Variants in LEKR1 observed in about 807,000 individuals in gnomAD.
LEKR1 encodes leucine, glutamate and lysine rich 1.
LEKR1 carries 59 observed loss-of-function variants against 72.4 expected under a neutral mutation model. That is an observed-to-expected ratio of 0.82 (90% CI 0.66 to 1.01). The LOEUF is 1.01. Among genes scored for constraint, LEKR1 ranks in the 50% least tolerant of loss-of-function variants. The probability of loss-of-function intolerance (pLI) is 0.00; values close to 1 mark genes in which losing one functional copy is unlikely to be tolerated. For synonymous variants in LEKR1, 257 were observed against 263.2 expected (o/e 0.98, Z 0.23); for missense variants, 728 against 759.2 (o/e 0.96, Z 0.48).
intron 3 of LEKR1, among the ~76,000 whole-genome samples, chr3:156,901,558 C>T (rs1271124942): frequency 6.6e-6 from 1 of 152,154 alleles, no homozygotes; most frequent in African/African-American, 2.4e-5. Flanking sequence ...AATGCAATTA[C>T]AATTTTATCA....
chr3:156,859,151 T>C (rs1716447451), intron 3 of LEKR1, among the ~76,000 whole-genome samples: 1 of 152,206 alleles, frequency 6.6e-6, no homozygotes, highest in South Asian at 2.1e-4. Flanking sequence ...ATTACACTGG[T>C]TAATTGCAGT....
intron 2 of LEKR1, among the ~76,000 whole-genome samples, chr3:156,845,050 G>A (rs1332520630): frequency 6.6e-6 from 1 of 151,896 alleles, no homozygotes; most frequent in African/African-American, 2.4e-5. Context: ...TGTAGTGAGT[G>A]ATATCTCATT....
At chr3:156,833,400 A>G (rs1239490110) in intron 2 of LEKR1, among the ~76,000 whole-genome samples, 4 of 152,214 alleles carry the variant, frequency 2.6e-5, no homozygotes, top group Admixed American at 2.6e-4. Flanking sequence ...GGATGACAAG[A>G]GGCTTAAACA....
intron 12 of LEKR1, among the ~76,000 whole-genome samples, chr3:157,032,243 G>A (rs1325629589): frequency 6.6e-6 from 1 of 152,124 alleles, no homozygotes; most frequent in Non-Finnish European, 1.5e-5. Flanking sequence ...ACCTTGTTGT[G>A]ATCCAGAGGA....
intron 6 of LEKR1, among the ~76,000 whole-genome samples, chr3:156,960,322 G>C (rs979553074): frequency 2.0e-5 from 3 of 152,138 alleles, no homozygotes; most frequent in African/African-American, 7.2e-5. Context: ...GTCTCACTCT[G>C]TTGCCCAGAC....
intron 5 of LEKR1, among the ~76,000 whole-genome samples, chr3:156,930,368 A>T (rs945069035): frequency 2.2e-4 from 34 of 152,110 alleles, no homozygotes; most frequent in African/African-American, 7.5e-4. Flanking sequence ...TCACATGCTT[A>T]TTTAAAGCAA....
chr3:157,020,670 G>T (rs1733759660), intron 10 of LEKR1, among the ~76,000 whole-genome samples: 1 of 151,550 alleles, frequency 6.6e-6, no homozygotes, highest in African/African-American at 2.4e-5. Flanking sequence ...TCTTAATCCA[G>T]TCTATCATTG....
At chr3:156,855,938 C>G (rs74586854) in intron 3 of LEKR1, among the ~76,000 whole-genome samples, 4,842 of 152,172 alleles carry the variant, frequency 0.032, 117 homozygotes, top group Non-Finnish European at 0.048. Context: ...AATTCCACCC[C>G]CTTAGCCTGA....
intron 3 of LEKR1, among the ~76,000 whole-genome samples, chr3:156,905,803 C>T (rs1722469823): frequency 6.6e-6 from 1 of 152,180 alleles, no homozygotes; most frequent in Middle Eastern, 3.2e-3. Context: ...AGCCACTTCT[C>T]ATAATTGGCA....
At chr3:156,849,821 G>T (rs374779241) in intron 2 of LEKR1, among the ~76,000 whole-genome samples, 1 of 152,022 alleles carries the variant, frequency 6.6e-6, no homozygotes, top group Non-Finnish European at 1.5e-5. Flanking sequence ...GAAAACCTAG[G>T]CAATACCATT....
intron 11 of LEKR1, among the ~76,000 whole-genome samples, chr3:157,027,582 G>A (rs1204261690): frequency 1.3e-5 from 2 of 152,114 alleles, no homozygotes; most frequent in African/African-American, 4.8e-5. Flanking sequence ...TTGGGAGGCT[G>A]AGGCAGGAGG....
chr3:156,993,041 A>G (rs754600497), intron 8 of LEKR1, 33 bp from the exon 9 acceptor site: 1 of 1,152,464 alleles, frequency 8.7e-7, no homozygotes, highest in Non-Finnish European at 1.3e-6. Context: ...TATATAATGT[A>G]TGTTGGTGGG....
chr3:156,987,986 T>C (rs1487185353), intron 7 of LEKR1: 1 of 152,212 alleles, frequency 6.6e-6, no homozygotes. Context: ...TGTTTTCTCT[T>C]TCCATCTGAG....
chr3:156,965,883 G>C (rs1728516636), intron 6 of LEKR1, among the ~76,000 whole-genome samples: 1 of 152,092 alleles, frequency 6.6e-6, no homozygotes, highest in African/African-American at 2.4e-5. Flanking sequence ...GCATGTGCAA[G>C]GGTTTACTCT....
At chr3:157,012,110 T>A (rs1732938709) in intron 10 of LEKR1, among the ~76,000 whole-genome samples, 1 of 152,134 alleles carries the variant, frequency 6.6e-6, no homozygotes, top group Non-Finnish European at 1.5e-5. Context: ...AGTAATATTT[T>A]AAAAATTGTT....
chr3:156,973,996 C>T (rs1425967344), intron 6 of LEKR1, among the ~76,000 whole-genome samples: 1 of 152,146 alleles, frequency 6.6e-6, no homozygotes, highest in African/African-American at 2.4e-5. Context: ...CCTATGATCT[C>T]ATACTTAATA....
intron 7 of LEKR1, among the ~76,000 whole-genome samples, chr3:156,991,881 A>G (rs61071858): frequency 0.011 from 1,743 of 152,208 alleles, 36 homozygotes; most frequent in African/African-American, 0.04. Context: ...CTTTTTTACT[A>G]TGTTCTGGAC....
rs779503308 is a variant in LEKR1, at chr3:156,932,801, C to T, written c.559+5197C>T. Among the ~76,000 whole-genome samples, 76 of 149,642 alleles carry T rather than the reference C, an allele frequency of 5.1e-4. 2 individuals carry two copies. Among genetic ancestry groups the T allele is most frequent in the Non-Finnish European group, 7.3e-4 (49 of 67,556 alleles). ...ATCCCGGCAATTTGGGAGGCCGCGG[C>T]AGGCGGATCCCGAGGTCAGGAGATC... On this transcript the variant is annotated intron_variant, in intron 5 of 12. Transcript: ENST00000356539.
intron 6 of LEKR1, among the ~76,000 whole-genome samples, chr3:156,969,060 G>C (rs957340716): frequency 4.1e-4 from 62 of 152,130 alleles, no homozygotes; most frequent in Non-Finnish European, 5.6e-4. Context: ...CAGAAATAAA[G>C]ATGTTCTTTG....
Sources: allele counts gnomAD v4.1 joint callset (sites outside exome capture counted in the v4.1 genomes callset), GRCh38; gene constraint gnomAD v4.1.1; transcripts MANE v1.5; gene names NCBI Gene and HGNC (gene_info 2026-07-23, HGNC 2026-07-21).